The following TNS3 variants were observed in gnomAD, a reference collection of about 807,000 sequenced individuals.
TNS3 encodes tensin-3.
Under a neutral mutation model 140.9 loss-of-function variants are expected in TNS3, and 45 were observed. The observed-to-expected ratio is 0.32, with a 90% confidence interval of 0.25 to 0.41. TNS3 has a LOEUF of 0.41. TNS3 is among the 10% of genes least tolerant of loss of function. TNS3 has a pLI of 1.00. For synonymous variants in TNS3, 815 were observed against 788.4 expected (o/e 1.03, Z -0.56); for missense variants, 1,716 against 1,906.7 (o/e 0.90, Z 1.86).
Position 47,348,728 on chromosome 7 carries a change from GAGA to G in TNS3, c.2282-2375_2282-2373del, listed in dbSNP as rs149359601. 1.5e-3 allele frequency among the ~76,000 whole-genome samples: 222 copies of G among 152,284 alleles called. 2 individuals carry two copies. The highest frequency in any genetic ancestry group is 5.2e-3 in the African/African-American group (218 of 41,562). On this transcript the variant is annotated intron_variant, in intron 17 of 30. Coordinates refer to ENST00000311160, the MANE Select transcript of TNS3 (RefSeq NM_022748.12). ...GTGGTCAAGTGTTCTCTTTGATCTGGAGAAGGAGGATGGGAAGTGCATGTTAAC... is the reference window on the plus strand; with the variant it reads ...GTGGTCAAGTGTTCTCTTTGATCTGGAGGAGGATGGGAAGTGCATGTTAAC...
chr7:47,563,248 C>T (rs757319024), intron 1 of TNS3, among the ~76,000 whole-genome samples: 16 of 152,300 alleles, frequency 1.1e-4, no homozygotes, highest in Middle Eastern at 3.4e-3. Context: ...CCTAGGCCAA[C>T]GACAAAGATC....
rs751361783 is a variant in TNS3, at chr7:47,303,529, G to C, written c.2878C>G (p.Leu960Val). ...CCGGTGGGCCGGCCGCTCCCCAGCA[G>C]GGAAACCATGGGCTTGGGGCTGCTC... ...VESSPKPMVS[L>V]LGSGRPTGSP... Residue 960 changes from leucine (L) to valine (V), a missense_variant, in exon 22 of 31, where the codon CTG becomes GTG. By Grantham distance (32) the Leu-to-Val change is conservative. Around this residue, in one of 3 missense-constraint regions of TNS3, gnomAD observed 1,163 missense variants for 1,182.1 expected, o/e 0.98. Coordinates refer to ENST00000311160, the MANE Select transcript of TNS3 (RefSeq NM_022748.12). The C allele has an allele frequency of 5.7e-5, 91 of 1,605,676 alleles. No homozygotes were observed. The highest frequency in any genetic ancestry group is 7.5e-5 in the Non-Finnish European group (89 of 1,178,978).
chr7:47,530,838 A>AAAAAAAAAAAAAAAAAAATATATATAT, intron 1 of TNS3, among the ~76,000 whole-genome samples: 4 of 54,564 alleles, frequency 7.3e-5, no homozygotes, highest in Non-Finnish European at 6.6e-5. Flanking sequence ...AAAAAAAAAA[A>AAAAAAAAAAAAAAAAAAATATATATAT]ATATATATAT....
intron 3 of TNS3, among the ~76,000 whole-genome samples, chr7:47,502,077 AG>A (rs985470604): frequency 3.3e-5 from 5 of 152,238 alleles, no homozygotes; most frequent in African/African-American, 1.2e-4. Context: ...AAGATGGCAA[AG>A]CACCAAAAAG....
At chr7:47,392,236 C>T (rs1792563925) in intron 16 of TNS3, among the ~76,000 whole-genome samples, 1 of 152,192 alleles carries the variant, frequency 6.6e-6, no homozygotes, top group African/African-American at 2.4e-5. Flanking sequence ...GAGACCAGGA[C>T]CATGTGCTCC....
chr7:47,369,174 T>C lies in TNS3; in HGVS notation c.1472A>G (p.Asp491Gly). Residue 491 changes from aspartate to glycine, a missense_variant, in exon 17 of 31, where the codon GAC becomes GGC. This residue lies in a region of TNS3 where 1,163 missense variants were observed against 1,182.1 expected (regional missense o/e 0.98). Transcript: ENST00000311160. ...EMPHHDLHSV[D>G]SLGTLSSSEG... ...CGAGGAGGACAGGGTCCCAAGGCTGTCCACACTGTGCAGGTCGTGGTGGGG... is the reference window on the plus strand; with the variant it reads ...CGAGGAGGACAGGGTCCCAAGGCTGCCCACACTGTGCAGGTCGTGGTGGGG... The C allele has an allele frequency of 2.5e-6, 4 of 1,614,164 alleles. No individual in the cohort carries two copies. Among genetic ancestry groups the C allele is most frequent in the Non-Finnish European group, 3.4e-6 (4 of 1,180,030 alleles).
At chr7:47,451,681 C>G (rs1179069163) in intron 4 of TNS3, among the ~76,000 whole-genome samples, 1 of 152,206 alleles carries the variant, frequency 6.6e-6, no homozygotes, top group African/African-American at 2.4e-5. Flanking sequence ...TCACAGCTGC[C>G]GGGCCATGTG....
At chr7:47,579,960 A>C (rs934601554) in intron 1 of TNS3, 1 of 448,062 alleles carries the variant, frequency 2.2e-6, no homozygotes, top group African/African-American at 2.1e-5. Flanking sequence ...TCACATTTGC[A>C]AACAGCTCAC....
At chr7:47,441,062 A>C (rs1026811242) in intron 5 of TNS3, among the ~76,000 whole-genome samples, 3 of 152,338 alleles carry the variant, frequency 2.0e-5, no homozygotes, top group Middle Eastern at 3.4e-3. Context: ...AATCTTGCAG[A>C]ATTTATTTCT....
At chr7:47,559,987 G>A (rs1436010412) in intron 1 of TNS3, among the ~76,000 whole-genome samples, 5 of 152,160 alleles carry the variant, frequency 3.3e-5, no homozygotes, top group Non-Finnish European at 7.4e-5. Context: ...CCCAAGGTAG[G>A]AAGCTGGGTC....
intron 4 of TNS3, among the ~76,000 whole-genome samples, chr7:47,474,312 A>G (rs923870761): frequency 2.0e-5 from 3 of 149,754 alleles, no homozygotes; most frequent in African/African-American, 7.4e-5. Flanking sequence ...CAGCACACAC[A>G]CCTCACATAA....
At chr7:47,343,266 G>A (rs1398026875) in intron 20 of TNS3, among the ~76,000 whole-genome samples, 3 of 152,166 alleles carry the variant, frequency 2.0e-5, no homozygotes, top group Non-Finnish European at 2.9e-5. Context: ...GGTACCCCAC[G>A]CTGAGCACCC....
chr7:47,491,688 C>T (rs1797819757), intron 3 of TNS3, among the ~76,000 whole-genome samples: 1 of 152,182 alleles, frequency 6.6e-6, no homozygotes, highest in South Asian at 2.1e-4. Context: ...GAGGCTGCAG[C>T]AATGAGACTG....
chr7:47,324,717 A>G (rs1787932631), intron 20 of TNS3, among the ~76,000 whole-genome samples: 1 of 152,210 alleles, frequency 6.6e-6, no homozygotes, highest in African/African-American at 2.4e-5. Context: ...ATGCCACTGC[A>G]CTCTGGCTTG....
chr7:47,364,421 T>C (rs559679318), intron 17 of TNS3, among the ~76,000 whole-genome samples: 7 of 152,160 alleles, frequency 4.6e-5, no homozygotes, highest in African/African-American at 1.7e-4. Context: ...AAGCTGGAAT[T>C]ACAGGCATGC....
intron 1 of TNS3, among the ~76,000 whole-genome samples, chr7:47,551,654 C>T (rs1202470864): frequency 1.3e-5 from 2 of 152,208 alleles, no homozygotes; most frequent in African/African-American, 4.8e-5. Context: ...CCTGCTCTTT[C>T]CACACCTGTG....
intron 9 of TNS3, among the ~76,000 whole-genome samples, chr7:47,425,365 C>G (rs1258808229): frequency 6.6e-6 from 1 of 152,094 alleles, no homozygotes; most frequent in African/African-American, 2.4e-5. Context: ...GGGCCCGTTA[C>G]TTAGAAAAAT....
intron 1 of TNS3, among the ~76,000 whole-genome samples, chr7:47,578,014 TAA>T (rs575331402): frequency 8.0e-5 from 11 of 137,258 alleles, no homozygotes; most frequent in Admixed American, 1.5e-4. Flanking sequence ...TACTGCCTTC[TAA>T]AAAAAAAAAA....
intron 6 of TNS3, among the ~76,000 whole-genome samples, chr7:47,438,350 G>A (rs1260587683): frequency 1.3e-5 from 2 of 152,206 alleles, no homozygotes; most frequent in African/African-American, 4.8e-5. Flanking sequence ...GTCTCTTTGG[G>A]GAAGGGGGAC....
Sources: allele counts gnomAD v4.1 joint callset (sites outside exome capture counted in the v4.1 genomes callset), GRCh38; gene constraint gnomAD v4.1.1; regional missense constraint gnomAD v4.1.1; transcripts MANE v1.5; gene names NCBI Gene and HGNC (gene_info 2026-07-23, HGNC 2026-07-21).